Variants in AATF observed in about 807,000 individuals in gnomAD.
AATF encodes apoptosis antagonizing transcription factor.
In AATF, 48 loss-of-function variants were observed where a neutral mutation model predicts 63.7. The observed-to-expected ratio is 0.75, with a 90% CI of 0.60 to 0.96. The LOEUF (loss-of-function observed/expected upper bound fraction) is 0.96, where lower values mean the gene tolerates loss of function less well. AATF is among the 40% of genes least tolerant of loss of function. The pLI is 0.00. For missense variants in AATF, 639 were observed against 685.7 expected (o/e 0.93, Z 0.76); for synonymous variants, 258 against 247.7 (o/e 1.04, Z -0.39).
rs878859973 is a variant in AATF, at chr17:36,954,065, CTTTTTTTTTTTT to C, written c.832+167_832+178del. Among the ~76,000 whole-genome samples the C allele has an allele frequency of 3.3e-5, 4 of 122,480 alleles. No individual in the cohort carries two copies. The South Asian group carries it at 7.7e-4, about 24-fold the overall frequency. 80.4% of individuals were successfully genotyped at this position (122,480 alleles called of 152,430 possible). On this transcript the variant is annotated intron_variant, in intron 4 of 11. Coordinates refer to ENST00000619387, the MANE Select transcript of AATF (RefSeq NM_012138.4). ...CCATCCCCCTTGGCTTTCCAAGTTG[CTTTTTTTTTTTT>C]TTTTTTTTGAGACAGAGTCTCGCTC...
At chr17:36,997,823 C>T (rs2071265915) in intron 8 of AATF, among the ~76,000 whole-genome samples, 1 of 152,134 alleles carries the variant, frequency 6.6e-6, no homozygotes, top group African/African-American at 2.4e-5. Context: ...TGGAGCCAAC[C>T]CAAATGCCCA....
rs3049638 is a variant in AATF, at chr17:36,968,270, C to CTTTTTTTTTTTTTTTT, written c.832+14378_832+14393dup. ...TTTCTTTTTCTTTCTTTCCTTCTTT[C>CTTTTTTTTTTTTTTTT]TTTTTTTTTTTTTTTTTTTTTTTTT... On this transcript the variant is annotated intron_variant, in intron 4 of 11. Transcript: ENST00000619387. Among the ~76,000 whole-genome samples, 5 of 23,790 alleles carry CTTTTTTTTTTTTTTTT rather than the reference C, an allele frequency of 2.1e-4. 1 individual carries two copies. The highest frequency in any genetic ancestry group is 6.8e-4 in the Admixed American group (1 of 1,478). 15.6% of individuals were successfully genotyped at this position (23,790 alleles called of 152,430 possible). A position where few individuals can be genotyped will look rare whatever the true frequency, so the allele number is the denominator to read the frequency against.
intron 8 of AATF, among the ~76,000 whole-genome samples, chr17:37,001,113 G>A (rs2071290915): frequency 6.6e-6 from 1 of 152,152 alleles, no homozygotes; most frequent in South Asian, 2.1e-4. Context: ...GAGCCCAGGA[G>A]TTTGAGACCA....
At chr17:37,053,986 T>C (rs1405962368) in intron 11 of AATF, among the ~76,000 whole-genome samples, 1 of 152,238 alleles carries the variant, frequency 6.6e-6, no homozygotes, top group Non-Finnish European at 1.5e-5. Flanking sequence ...TTATATATTT[T>C]GTAACTATTT....
intron 10 of AATF, among the ~76,000 whole-genome samples, chr17:37,021,894 A>G (rs1019786236): frequency 2.0e-5 from 3 of 151,860 alleles, no homozygotes; most frequent in Non-Finnish European, 4.4e-5. Flanking sequence ...CCATATGTGC[A>G]CACAGTATGC....
At position 37,021,834 on chromosome 17, in the gene AATF, T is replaced by A. The variant is rs1296536924; in HGVS notation, c.1547+820T>A. The stretch of plus-strand genomic sequence containing the variant: ...AAAAAAAAAAAAATAATAATAATAA[T>A]AATAATAAATATAAAAATGTTATTG... On this transcript the variant is annotated intron_variant, in intron 10 of 11. Coordinates refer to ENST00000619387, the MANE Select transcript of AATF (RefSeq NM_012138.4). 6.8e-5 allele frequency among the ~76,000 whole-genome samples: 10 copies of A among 147,014 alleles called. 1 individual carries two copies. Among genetic ancestry groups the A allele is most frequent in the African/African-American group, 2.5e-4 (10 of 40,010 alleles).
At chr17:37,040,884 T>G (rs2142312357) in intron 11 of AATF, among the ~76,000 whole-genome samples, 1 of 152,342 alleles carries the variant, frequency 6.6e-6, no homozygotes, top group Non-Finnish European at 1.5e-5. Flanking sequence ...TACAAAGACC[T>G]TAGACCTCAT....
chr17:37,038,555 T>G (rs1006324615), intron 11 of AATF, among the ~76,000 whole-genome samples: 10 of 152,172 alleles, frequency 6.6e-5, no homozygotes, highest in African/African-American at 2.4e-4. Context: ...GAGAGGATAT[T>G]AGATAGATTT....
At chr17:36,977,928 A>G (rs2071091212) in intron 4 of AATF, among the ~76,000 whole-genome samples, 1 of 152,164 alleles carries the variant, frequency 6.6e-6, no homozygotes, top group Non-Finnish European at 1.5e-5. Context: ...GCTGTGTCCT[A>G]TAGGGCTTTT....
At chr17:36,992,684 C>A (rs1014468722) in intron 8 of AATF, among the ~76,000 whole-genome samples, 4 of 151,072 alleles carry the variant, frequency 2.6e-5, no homozygotes, top group African/African-American at 9.8e-5. Context: ...GCCCTTCATC[C>A]CAATTAATAA....
chr17:37,014,355 G>A (rs1416711005), intron 8 of AATF, among the ~76,000 whole-genome samples: 1 of 151,778 alleles, frequency 6.6e-6, no homozygotes, highest in Non-Finnish European at 1.5e-5. Flanking sequence ...AATTTTGAAG[G>A]TACCTTGCTG....
intron 11 of AATF, among the ~76,000 whole-genome samples, chr17:37,051,999 G>A (rs923659076): frequency 2.6e-5 from 4 of 152,028 alleles, no homozygotes; most frequent in Admixed American, 6.6e-5. Flanking sequence ...CCCTGCTATC[G>A]ACCTTCTACC....
intron 10 of AATF, among the ~76,000 whole-genome samples, chr17:37,024,268 C>G (rs547332943): frequency 3.5e-4 from 53 of 152,164 alleles, no homozygotes; most frequent in Non-Finnish European, 7.5e-4. Flanking sequence ...AAGACGACTT[C>G]CTCACTGAGC....
rs530240713 is a variant in AATF at position 36,967,015 on chromosome 17, A to C, written c.832+13108A>C. 5.9e-5 allele frequency among the ~76,000 whole-genome samples: 9 copies of C among 152,050 alleles called. No homozygotes were observed. The East Asian group carries it at 1.7e-3, about 29-fold the overall frequency. On this transcript the variant is annotated intron_variant, in intron 4 of 11. Coordinates refer to ENST00000619387, the MANE Select transcript of AATF (RefSeq NM_012138.4). ...TTGGGTGTATCACTTCTGTGCCATA[A>C]CCCTTTCTCCTGAAGCAACAATTTT...
intron 4 of AATF, among the ~76,000 whole-genome samples, chr17:36,956,378 GA>G (rs2070899939): frequency 6.6e-6 from 1 of 152,148 alleles, no homozygotes. Flanking sequence ...CAGACTTTAA[GA>G]AAAAAATTCT....
intron 4 of AATF, among the ~76,000 whole-genome samples, chr17:36,957,766 C>T (rs190790294): frequency 5.9e-5 from 9 of 152,238 alleles, no homozygotes; most frequent in Middle Eastern, 3.4e-3. Context: ...CCTCAGGTTG[C>T]GTTTTCTCAA....
At chr17:37,055,279 A>C (rs2071788665) in intron 11 of AATF, 1 of 152,206 alleles carries the variant, frequency 6.6e-6, no homozygotes, top group Non-Finnish European at 1.5e-5. Context: ...CCAACATGAT[A>C]AGGCTAGCTT....
chr17:37,004,049 C>CT (rs555480739), intron 8 of AATF, among the ~76,000 whole-genome samples: 1 of 151,002 alleles, frequency 6.6e-6, no homozygotes, highest in Non-Finnish European at 1.5e-5. Context: ...AGGTTGCAGA[C>CT]TTTTTTTTGG....
intron 8 of AATF, among the ~76,000 whole-genome samples, chr17:37,013,583 G>T (rs1035988840): frequency 6.6e-6 from 1 of 151,528 alleles, no homozygotes; most frequent in Non-Finnish European, 1.5e-5. Flanking sequence ...CAGCTCCTGG[G>T]CTCTAATAGA....
Sources: allele counts gnomAD v4.1 joint callset (sites outside exome capture counted in the v4.1 genomes callset), GRCh38; gene constraint gnomAD v4.1.1; transcripts MANE v1.5; gene names NCBI Gene and HGNC (gene_info 2026-07-23, HGNC 2026-07-21).